Variants in NEO1 observed in about 807,000 individuals in gnomAD.
NEO1 encodes neogenin 1.
In NEO1, 63 loss-of-function variants were observed where a neutral mutation model predicts 159.7. The ratio of observed to expected loss-of-function variants is 0.39; its 90% CI spans 0.32 to 0.49. The LOEUF (loss-of-function observed/expected upper bound fraction) is 0.49, where lower values mean the gene tolerates loss of function less well. Among genes scored for constraint, NEO1 ranks in the 20% least tolerant of loss-of-function variants. The pLI is 0.85. For synonymous variants in NEO1, 633 were observed against 662.0 expected (o/e 0.96, Z 0.67); for missense variants, 1,615 against 1,831.0 (o/e 0.88, Z 2.15).
intron 7 of NEO1, among the ~76,000 whole-genome samples, chr15:73,231,687 A>C (rs1188481529): frequency 6.6e-6 from 1 of 152,130 alleles, no homozygotes. Flanking sequence ...GTGCCACTGC[A>C]CTCCAGCCTG....
At chr15:73,128,405 G>T (rs990311923) in intron 4 of NEO1, among the ~76,000 whole-genome samples, 1 of 151,894 alleles carries the variant, frequency 6.6e-6, no homozygotes, top group Non-Finnish European at 1.5e-5. Flanking sequence ...TGTCATGAAG[G>T]GACATTCTGA....
At position 73,137,485 on chromosome 15, in the gene NEO1, G is replaced by A. The variant is rs569553165; in HGVS notation, c.1015+1458G>A. 1.6e-3 allele frequency among the ~76,000 whole-genome samples: 248 copies of A among 152,198 alleles called. 5 individuals are homozygous for A. Among genetic ancestry groups the A allele is most frequent in the Non-Finnish European group, 1.7e-3 (114 of 68,010 alleles). On this transcript the variant is annotated intron_variant, in intron 5 of 28. Coordinates refer to ENST00000261908, the MANE Select transcript of NEO1 (RefSeq NM_002499.4). ...AGACAGGGTCTCCCTCTGTTGCCCA[G>A]CCTGGAGTGCAGTGGTGCAGTCTCT...
At chr15:73,114,747 A>G (rs4777590) in intron 1 of NEO1, among the ~76,000 whole-genome samples, 45,506 of 152,050 alleles carry the variant, frequency 0.3, 7,993 homozygotes, top group Admixed American at 0.44. Flanking sequence ...GTGTATTTTA[A>G]CCACCAATCT....
intron 7 of NEO1, among the ~76,000 whole-genome samples, chr15:73,233,045 G>A (rs972329417): frequency 1.3e-5 from 2 of 152,106 alleles, no homozygotes; most frequent in African/African-American, 4.8e-5. Flanking sequence ...GGGGGAAGAG[G>A]ATTTGTCAGT....
At chr15:73,055,693 C>T (rs983257539) in intron 1 of NEO1, among the ~76,000 whole-genome samples, 6 of 152,108 alleles carry the variant, frequency 3.9e-5, no homozygotes, top group Non-Finnish European at 8.8e-5. Context: ...TGTCATTTTC[C>T]CTCGTGCTTC....
At chr15:73,209,051 G>A (rs937941301) in intron 7 of NEO1, among the ~76,000 whole-genome samples, 3 of 152,262 alleles carry the variant, frequency 2.0e-5, no homozygotes, top group Admixed American at 2.0e-4. Context: ...TGCTAATTCT[G>A]AATCATCACC....
chr15:73,218,879 G>A (rs1405422260), intron 7 of NEO1, among the ~76,000 whole-genome samples: 1 of 151,968 alleles, frequency 6.6e-6, no homozygotes, highest in African/African-American at 2.4e-5. Flanking sequence ...ACCAGCTCCT[G>A]GATTCATTAA....
At chr15:73,096,898 G>A (rs1338215762) in intron 1 of NEO1, among the ~76,000 whole-genome samples, 1 of 152,118 alleles carries the variant, frequency 6.6e-6, no homozygotes, top group Non-Finnish European at 1.5e-5. Flanking sequence ...GCTGAGGTTG[G>A]ATGATTGCTT....
chr15:73,052,423 C>T (rs1297051406), upstream of NEO1: 1 of 95,676 alleles, frequency 1.0e-5, no homozygotes, highest in East Asian at 2.9e-4. Context: ...CCCCCCCCCC[C>T]CCGCCCCGGA....
At chr15:73,245,605 C>T (rs1375427666) in intron 9 of NEO1, among the ~76,000 whole-genome samples, 1 of 149,430 alleles carries the variant, frequency 6.7e-6, no homozygotes, top group South Asian at 2.1e-4. Context: ...GGCGGAGTCT[C>T]GCTCTGTCGC....
chr15:73,062,382 T>C (rs1173114072), intron 1 of NEO1, among the ~76,000 whole-genome samples: 1 of 152,230 alleles, frequency 6.6e-6, no homozygotes, highest in Non-Finnish European at 1.5e-5. Flanking sequence ...TTTATAAATA[T>C]AGATAATACG....
intron 5 of NEO1, among the ~76,000 whole-genome samples, chr15:73,148,990 T>G (rs2033150866): frequency 6.6e-6 from 1 of 151,998 alleles, no homozygotes; most frequent in Non-Finnish European, 1.5e-5. Context: ...CCTCCATTCC[T>G]TGTTTAGATT....
intron 12 of NEO1, among the ~76,000 whole-genome samples, chr15:73,253,927 T>A (rs2040210178): frequency 6.6e-6 from 1 of 152,160 alleles, no homozygotes; most frequent in African/African-American, 2.4e-5. Flanking sequence ...AAACTGTCCT[T>A]CCTATAGCCA....
intron 1 of NEO1, among the ~76,000 whole-genome samples, chr15:73,057,551 G>C (rs561648431): frequency 1.3e-5 from 2 of 152,140 alleles, no homozygotes; most frequent in African/African-American, 4.8e-5. Flanking sequence ...GAGAAGTTTT[G>C]TGTTTACGAT....
At chr15:73,141,220 A>G (rs1350843057) in intron 5 of NEO1, among the ~76,000 whole-genome samples, 3 of 152,244 alleles carry the variant, frequency 2.0e-5, no homozygotes, top group East Asian at 1.9e-4. Flanking sequence ...GGAGAGATAT[A>G]TATAAATACA....
chr15:73,195,650 A>G (rs2036494202), intron 7 of NEO1, among the ~76,000 whole-genome samples: 1 of 152,166 alleles, frequency 6.6e-6, no homozygotes, highest in East Asian at 1.9e-4. Flanking sequence ...TACCACCAGA[A>G]TTATTGCCTG....
chr15:73,291,711 G>C (rs2042171845), intron 25 of NEO1, among the ~76,000 whole-genome samples: 1 of 152,194 alleles, frequency 6.6e-6, no homozygotes, highest in Admixed American at 6.5e-5. Context: ...TTCAGAGTCA[G>C]CTAACAGCTG....
chr15:73,299,930 A>T (rs2151185112), intron 27 of NEO1: 1 of 152,346 alleles, frequency 6.6e-6, no homozygotes, highest in East Asian at 1.9e-4. Context: ...CTTTTTTGAT[A>T]CTACAGCAAA....
chr15:73,151,719 C>A (rs924541206), intron 5 of NEO1, among the ~76,000 whole-genome samples: 4 of 152,168 alleles, frequency 2.6e-5, no homozygotes, highest in African/African-American at 9.7e-5. Flanking sequence ...GATTCAGTTA[C>A]CTCCCACAGG....
Sources: allele counts gnomAD v4.1 joint callset (sites outside exome capture counted in the v4.1 genomes callset), GRCh38; gene constraint gnomAD v4.1.1; transcripts MANE v1.5; gene names NCBI Gene and HGNC (gene_info 2026-07-23, HGNC 2026-07-21).